The following ZCCHC7 variants were observed in gnomAD, a reference collection of about 807,000 sequenced individuals.
ZCCHC7 encodes the protein zinc finger CCHC domain-containing protein 7.
In ZCCHC7, 35 loss-of-function variants were observed where a neutral mutation model predicts 52.0. The ratio of observed to expected loss-of-function variants is 0.67; its 90% CI spans 0.51 to 0.89. The LOEUF (loss-of-function observed/expected upper bound fraction) is 0.89. Ranked by LOEUF, ZCCHC7 falls within the 40% of genes least tolerant of loss-of-function variation. The probability of loss-of-function intolerance (pLI) is 0.00; values close to 1 mark genes in which losing one functional copy is unlikely to be tolerated. For synonymous variants in ZCCHC7, 217 were observed against 221.5 expected, an observed-to-expected ratio of 0.98 and a Z score of 0.18; for missense variants, 574 against 649.1, an observed-to-expected ratio of 0.88 and a Z score of 1.26.
At chr9:37,295,322 T>C (rs1345946200) in intron 2 of ZCCHC7, among the ~76,000 whole-genome samples, 2 of 152,098 alleles carry the variant, frequency 1.3e-5, no homozygotes, top group Non-Finnish European at 2.9e-5. Flanking sequence ...GAGAAACAAG[T>C]AAAGGCCAAA....
chr9:37,297,232 A>G (rs1828830173), intron 2 of ZCCHC7, among the ~76,000 whole-genome samples: 2 of 152,178 alleles, frequency 1.3e-5, no homozygotes. Flanking sequence ...TTCAATTATC[A>G]TGGTTATTTA....
intron 1 of ZCCHC7, among the ~76,000 whole-genome samples, chr9:37,122,639 A>G (rs1842362777): frequency 6.6e-6 from 1 of 152,210 alleles, no homozygotes; most frequent in Non-Finnish European, 1.5e-5. Context: ...AAGTTAACTT[A>G]TTTGAAAATT....
In ZCCHC7 at chr9:37,280,628, A is replaced by G. The variant is rs556208328; in HGVS notation, c.611-21560A>G. Among the ~76,000 whole-genome samples, 164 of 152,086 alleles carry G rather than the reference A, an allele frequency of 1.1e-3. 2 individuals are homozygous for G. In the South Asian group the frequency reaches 0.034, roughly 31 times the overall value. ...CTATAGCAAAAAAAAAAAAATCTGG[A>G]AAGTCCCCAAATATTGGGAAATTAA... On this transcript the variant is annotated intron_variant, in intron 2 of 8. Coordinates refer to ENST00000336755, the MANE Select transcript of ZCCHC7 (RefSeq NM_032226.3).
rs568748564 is a variant in ZCCHC7 at position 37,247,454 on chromosome 9, A to C, written c.611-54734A>C. Reference sequence around the variant, plus strand: ...TTAGACAGGAATTACACCATTTTTCAAATGTATTGTTTATTTAAAACTTGA... The same window carrying C: ...TTAGACAGGAATTACACCATTTTTCCAATGTATTGTTTATTTAAAACTTGA... On this transcript the variant is annotated intron_variant, in intron 2 of 8. Transcript: ENST00000336755. Among the ~76,000 whole-genome samples the C allele has an allele frequency of 6.2e-4, 95 of 152,304 alleles. 3 individuals carry two copies. In the South Asian group the frequency reaches 0.014, roughly 22 times the overall value.
chr9:37,191,547 G>A (rs988997205), intron 2 of ZCCHC7, among the ~76,000 whole-genome samples: 1 of 152,142 alleles, frequency 6.6e-6, no homozygotes, highest in African/African-American at 2.4e-5. Context: ...TGCTCTGAGA[G>A]TTTGAACTCT....
intron 5 of ZCCHC7, among the ~76,000 whole-genome samples, chr9:37,311,610 A>G (rs1451959960): frequency 6.6e-6 from 1 of 152,022 alleles, no homozygotes; most frequent in African/African-American, 2.4e-5. Context: ...TGGTTTCACT[A>G]TGTTGGCCAG....
chr9:37,340,215 G>C (rs896340539), intron 6 of ZCCHC7, among the ~76,000 whole-genome samples: 1 of 152,118 alleles, frequency 6.6e-6, no homozygotes, highest in African/African-American at 2.4e-5. Flanking sequence ...AATCCGTGGC[G>C]TGGTAGGCTT....
intron 6 of ZCCHC7, among the ~76,000 whole-genome samples, chr9:37,337,256 T>C (rs1830714498): frequency 6.6e-6 from 1 of 152,172 alleles, no homozygotes; most frequent in Admixed American, 6.6e-5. Flanking sequence ...AAATTGGTAA[T>C]GACAGCAGTG....
Position 37,143,625 on chromosome 9 carries a change from C to T in ZCCHC7, c.610+16683C>T, listed in dbSNP as rs893085088. On this transcript the variant is annotated intron_variant, in intron 2 of 8. Coordinates refer to ENST00000336755, the MANE Select transcript of ZCCHC7 (RefSeq NM_032226.3). Reference sequence around the variant, plus strand: ...CACCTAACAGGTGGAAATATCTATGCCATTACAGATTTTCAAAACGTAGAG... The same window carrying T: ...CACCTAACAGGTGGAAATATCTATGTCATTACAGATTTTCAAAACGTAGAG... Among the ~76,000 whole-genome samples, 11 of 151,274 alleles carry T rather than the reference C, an allele frequency of 7.3e-5. 1 individual carries two copies. In the East Asian group the frequency reaches 2.1e-3, roughly 29 times the overall value.
chr9:37,335,200 G>A (rs1301479493), intron 6 of ZCCHC7, among the ~76,000 whole-genome samples: 2 of 151,986 alleles, frequency 1.3e-5, no homozygotes, highest in Non-Finnish European at 1.5e-5. Flanking sequence ...TTGTTTTCTT[G>A]GATCTCTCAC....
At position 37,126,518 on chromosome 9, in the gene ZCCHC7, G is replaced by T; in HGVS notation, c.186G>T (p.Ser62=). Reference sequence around the variant, plus strand: ...ATGAAGAAAAGAACTCTGGGAATTCGGAATCTTCGAGTAGTAAACCAAATC... The same window carrying T: ...ATGAAGAAAAGAACTCTGGGAATTCTGAATCTTCGAGTAGTAAACCAAATC... ...EEHEEKNSGN[S]ESSSSKPNQK... The change falls in exon 2 of 9, where the codon TCG becomes TCT. Residue 62 remains serine (S), a synonymous_variant. Transcript: ENST00000336755. The T allele has an allele frequency of 6.2e-7, 1 of 1,613,828 alleles. No homozygotes were observed. The highest frequency in any genetic ancestry group is 1.1e-5 in the South Asian group (1 of 91,066).
intron 2 of ZCCHC7, among the ~76,000 whole-genome samples, chr9:37,128,858 C>T (rs1357953654): frequency 1.3e-5 from 2 of 152,178 alleles, no homozygotes; most frequent in Admixed American, 1.3e-4. Flanking sequence ...ATGACAGAAA[C>T]AAAATGATCT....
At chr9:37,235,213 T>C (rs930447341) in intron 2 of ZCCHC7, among the ~76,000 whole-genome samples, 11 of 152,186 alleles carry the variant, frequency 7.2e-5, no homozygotes, top group Non-Finnish European at 1.6e-4. Context: ...AACTTATTCC[T>C]CCTATCCATC....
Position 37,195,745 on chromosome 9 carries a change from C to G in ZCCHC7, c.610+68803C>G, listed in dbSNP as rs74817507. On this transcript the variant is annotated intron_variant, in intron 2 of 8. Transcript: ENST00000336755. ...GTAGTAGTGATTTAATGCGAATTAG[C>G]TGGAAGAGACACTACCTACAAAGCT... Among the ~76,000 whole-genome samples, 39 of 152,244 alleles carry G rather than the reference C, an allele frequency of 2.6e-4. No homozygotes were observed. The East Asian group carries it at 6.4e-3, about 25-fold the overall frequency.
chr9:37,144,125 G>A (rs1843338979), intron 2 of ZCCHC7, among the ~76,000 whole-genome samples: 1 of 151,688 alleles, frequency 6.6e-6, no homozygotes, highest in African/African-American at 2.4e-5. Context: ...CTAGTGATTG[G>A]CTTACTTACA....
intron 6 of ZCCHC7, 62 bp from the exon 7 acceptor site, chr9:37,349,295 A>G (rs986408771): frequency 1.9e-6 from 3 of 1,549,624 alleles, no homozygotes; most frequent in Non-Finnish European, 1.8e-6. Context: ...GCTCTTTTGG[A>G]AAGAATGAGG....
intron 1 of ZCCHC7, among the ~76,000 whole-genome samples, chr9:37,122,546 A>G (rs967692716): frequency 6.6e-6 from 1 of 152,212 alleles, no homozygotes; most frequent in African/African-American, 2.4e-5. Context: ...CATAAAATGG[A>G]TATTTGTGAG....
At chr9:37,261,632 T>C (rs557547152) in intron 2 of ZCCHC7, among the ~76,000 whole-genome samples, 2 of 152,314 alleles carry the variant, frequency 1.3e-5, no homozygotes, top group South Asian at 4.1e-4. Flanking sequence ...CCTAATGTGC[T>C]CTATAAACAC....
At chr9:37,340,882 G>A (rs764136294) in intron 6 of ZCCHC7, among the ~76,000 whole-genome samples, 1 of 152,126 alleles carries the variant, frequency 6.6e-6, no homozygotes, top group African/African-American at 2.4e-5. Flanking sequence ...GATAGCGTTT[G>A]TCATGTCATT....
Sources: gnomAD v4.1 joint callset for allele counts (sites outside exome capture counted in the v4.1 genomes callset) on GRCh38, gnomAD v4.1.1 for gene constraint, MANE v1.5 for transcripts, NCBI Gene and HGNC (gene_info 2026-07-23, HGNC 2026-07-21) for gene names.